Variants in NEK1 observed in about 807,000 individuals in gnomAD.
NEK1 encodes serine/threonine-protein kinase Nek1.
In NEK1, 137 loss-of-function variants were observed where a neutral mutation model predicts 182.1. That is an observed-to-expected ratio of 0.75 (90% CI 0.65 to 0.87). NEK1 has a LOEUF of 0.87. NEK1 is among the 40% of genes least tolerant of loss of function. The probability of loss-of-function intolerance (pLI) is 0.00; values close to 1 mark genes in which losing one functional copy is unlikely to be tolerated. For missense variants in NEK1, 1,391 were observed against 1,494.4 expected (o/e 0.93, Z 1.14); for synonymous variants, 513 against 492.2 (o/e 1.04, Z -0.56).
chr4:169,555,678 A>C (rs1197658294), intron 18 of NEK1, 42 bp downstream of exon 18: 1 of 1,612,910 alleles, frequency 6.2e-7, no homozygotes, highest in Admixed American at 1.7e-5. Context: ...CAAACGACAA[A>C]ATTACACACA....
rs560738883 is a variant in NEK1 at position 169,463,392 on chromosome 4, T to C, written c.2438A>G (p.His813Arg). ...TAATTTAATAACTTCTCCCACTGTA[T>C]GTCCTATAAGAAAAATATACAAAGA... ...LDTSFSTTERHTVGEVIKLGP... is the reference protein window; with the variant it reads ...LDTSFSTTERRTVGEVIKLGP... The change falls in exon 27 of 36, where the codon CAT becomes CGT. Residue 813 changes from histidine to arginine, a missense_variant. By Grantham distance (29) the His-to-Arg change is conservative. Around this residue, in one of 5 missense-constraint regions of NEK1, gnomAD observed 1,216 missense variants for 1,277.6 expected, o/e 0.95. Coordinates refer to ENST00000507142, the MANE Select transcript of NEK1 (RefSeq NM_001199397.3). The C allele has an allele frequency of 8.1e-6, 13 of 1,596,088 alleles. No homozygotes were observed. Among genetic ancestry groups the C allele is most frequent in the Middle Eastern group, 1.7e-4 (1 of 5,980 alleles).
intron 31 of NEK1, among the ~76,000 whole-genome samples, chr4:169,414,278 C>T (rs1200005398): frequency 2.0e-5 from 3 of 151,904 alleles, no homozygotes; most frequent in Non-Finnish European, 4.4e-5. Context: ...CTACTAGTAA[C>T]AACAGAAAGG....
intron 19 of NEK1, among the ~76,000 whole-genome samples, chr4:169,510,631 C>T (rs902694679): frequency 1.3e-5 from 2 of 152,242 alleles, no homozygotes; most frequent in African/African-American, 4.8e-5. Context: ...TTCTCTTTCA[C>T]ATCAAATCCC....
rs79346292 is a variant in NEK1 at position 169,425,605 on chromosome 4, C to T, written c.2974+541G>A. Among the ~76,000 whole-genome samples the T allele has an allele frequency of 8.0e-3, 1,213 of 152,154 alleles. 19 individuals carry two copies. The highest frequency in any genetic ancestry group is 0.028 in the African/African-American group (1,163 of 41,524). On this transcript the variant is annotated intron_variant, in intron 30 of 35. Coordinates refer to ENST00000507142, the MANE Select transcript of NEK1 (RefSeq NM_001199397.3). ...TTGGTCTATTGCCCAGGCTGGAGTG[C>T]AGTCTTGGCCTCAAGCAATCCTCTC...
rs1470332011 is a variant in NEK1, at chr4:169,398,490, C to T, written c.3847+1735G>A. 2.6e-5 allele frequency among the ~76,000 whole-genome samples: 4 copies of T among 152,168 alleles called. No individual in the cohort carries two copies. In the East Asian group the frequency reaches 7.7e-4, roughly 29 times the overall value. On this transcript the variant is annotated intron_variant, in intron 35 of 35. Transcript: ENST00000507142. ...CCAAAAATAGCTGTCCTCTGAGCAACTAAAATGTTTTGTCTCATGAATACT... is the reference window on the plus strand; with the variant it reads ...CCAAAAATAGCTGTCCTCTGAGCAATTAAAATGTTTTGTCTCATGAATACT...
intron 29 of NEK1, among the ~76,000 whole-genome samples, chr4:169,428,794 T>C (rs547194753): frequency 1.3e-5 from 2 of 152,334 alleles, no homozygotes; most frequent in South Asian, 4.1e-4. Flanking sequence ...GCCTTTCCTA[T>C]TATTAGTTTG....
At chr4:169,561,141 CT>C (rs1762835782) in intron 16 of NEK1, among the ~76,000 whole-genome samples, 1 of 152,124 alleles carries the variant, frequency 6.6e-6, no homozygotes, top group Non-Finnish European at 1.5e-5. Context: ...CTTCTGAGAA[CT>C]TAATCTTCAA....
intron 5 of NEK1, among the ~76,000 whole-genome samples, chr4:169,593,849 C>T (rs62334508): frequency 4.1e-4 from 63 of 152,212 alleles, no homozygotes; most frequent in African/African-American, 1.3e-3. Context: ...ATTAGCCAGG[C>T]GTGATGGCGG....
intron 27 of NEK1, among the ~76,000 whole-genome samples, chr4:169,447,683 A>T (rs1740828816): frequency 6.6e-6 from 1 of 152,168 alleles, no homozygotes; most frequent in Non-Finnish European, 1.5e-5. Flanking sequence ...CCTGGCCAAC[A>T]TGCTAAAATC....
chr4:169,531,218 A>G (rs545189549), intron 19 of NEK1, among the ~76,000 whole-genome samples: 58 of 152,124 alleles, frequency 3.8e-4, no homozygotes, highest in Non-Finnish European at 8.2e-4. Context: ...ACAGAGCGGC[A>G]GAGTAAGATG....
At chr4:169,408,644 C>T (rs140658876) in intron 31 of NEK1, among the ~76,000 whole-genome samples, 26 of 152,214 alleles carry the variant, frequency 1.7e-4, no homozygotes, top group African/African-American at 4.6e-4. Context: ...CCCCTTGAGT[C>T]GCCGAAGTCC....
At chr4:169,445,903 T>C (rs773755146) in intron 27 of NEK1, among the ~76,000 whole-genome samples, 12 of 147,746 alleles carry the variant, frequency 8.1e-5, no homozygotes, top group Non-Finnish European at 1.5e-4. Flanking sequence ...AAATGGACCA[T>C]TATTCAGCCA....
intron 11 of NEK1, among the ~76,000 whole-genome samples, chr4:169,578,976 G>A (rs1766158435): frequency 6.6e-6 from 1 of 152,096 alleles, no homozygotes; most frequent in Admixed American, 6.5e-5. Flanking sequence ...TCACAATACT[G>A]CAACCTGGCT....
At chr4:169,572,449 T>A (rs897841552) in intron 12 of NEK1, among the ~76,000 whole-genome samples, 9 of 152,090 alleles carry the variant, frequency 5.9e-5, no homozygotes, top group Non-Finnish European at 7.4e-5. Context: ...ATATGGTAAT[T>A]TTGAGATGTC....
intron 26 of NEK1, among the ~76,000 whole-genome samples, chr4:169,466,424 A>G (rs894586402): frequency 5.4e-5 from 8 of 148,792 alleles, no homozygotes; most frequent in Non-Finnish European, 1.0e-4. Flanking sequence ...GTCAGAGAAA[A>G]AAGACACAGA....
intron 18 of NEK1, among the ~76,000 whole-genome samples, chr4:169,547,730 A>G (rs1017684246): frequency 2.0e-5 from 3 of 151,912 alleles, no homozygotes; most frequent in Admixed American, 2.0e-4. Context: ...TTGATCTTCA[A>G]TCTCTGATAT....
At chr4:169,599,403 T>C (rs1242729798) in intron 4 of NEK1, among the ~76,000 whole-genome samples, 7 of 152,220 alleles carry the variant, frequency 4.6e-5, no homozygotes, top group Non-Finnish European at 7.3e-5. Flanking sequence ...TCATTAATGA[T>C]TTCTATTAAA....
At chr4:169,523,448 G>A (rs1219088417) in intron 19 of NEK1, among the ~76,000 whole-genome samples, 1 of 152,114 alleles carries the variant, frequency 6.6e-6, no homozygotes, top group Non-Finnish European at 1.5e-5. Context: ...TGAAGATGAA[G>A]GCAGAGATCA....
intron 31 of NEK1, among the ~76,000 whole-genome samples, chr4:169,422,406 G>C (rs187071003): frequency 1.3e-5 from 2 of 152,252 alleles, no homozygotes; most frequent in East Asian, 3.9e-4. Flanking sequence ...TTGATGACAC[G>C]GGTTAGAGTG....
Sources: allele counts gnomAD v4.1 joint callset (sites outside exome capture counted in the v4.1 genomes callset), GRCh38; gene constraint gnomAD v4.1.1; regional missense constraint gnomAD v4.1.1; transcripts MANE v1.5; gene names NCBI Gene and HGNC (gene_info 2026-07-23, HGNC 2026-07-21).